MYO3A: variants seen among roughly 807,000 people sequenced by gnomAD.
The protein encoded by MYO3A is myosin IIIA, also known as myosin-IIIa.
In MYO3A, 180 loss-of-function variants were observed where a neutral mutation model predicts 192.7. The observed-to-expected ratio is 0.93, with a 90% confidence interval of 0.83 to 1.06. MYO3A has a LOEUF of 1.06. MYO3A is among the 50% of genes least tolerant of loss of function. The pLI, the probability that MYO3A is intolerant of heterozygous loss-of-function variation, is 0.00. For synonymous variants in MYO3A, 628 were observed against 645.3 expected, an observed-to-expected ratio of 0.97 and a Z score of 0.41; for missense variants, 1,896 against 1,905.0, an observed-to-expected ratio of 1.00 and a Z score of 0.09.
At position 26,212,040 on chromosome 10, in the gene MYO3A, G is replaced by A. The variant is rs549341486; in HGVS notation, c.*77G>A. 5 of 1,552,162 alleles carry A rather than the reference G, an allele frequency of 3.2e-6. No homozygotes were observed. Among genetic ancestry groups the A allele is most frequent in the Non-Finnish European group, 4.4e-6 (5 of 1,145,366 alleles). On this transcript the variant is annotated 3_prime_UTR_variant, in exon 35 of 35. Coordinates refer to ENST00000642920, the MANE Select transcript of MYO3A (RefSeq NM_017433.5). ...AGCAGGGGCCAAGCAGGCACTCTGG[G>A]GCTGGCACCAGCAGGCACTGAAGCT... is the stretch of plus-strand genomic sequence containing the variant.
intron 23 of MYO3A, among the ~76,000 whole-genome samples, chr10:26,150,279 G>T (rs1457951963): frequency 2.0e-5 from 3 of 152,082 alleles, no homozygotes; most frequent in Non-Finnish European, 2.9e-5. Context: ...TGTTTATGAG[G>T]AATATTGCAC....
intron 17 of MYO3A, among the ~76,000 whole-genome samples, chr10:26,103,968 T>C (rs900921431): frequency 1.3e-5 from 2 of 152,218 alleles, no homozygotes; most frequent in East Asian, 1.9e-4. Flanking sequence ...TTCATGTACT[T>C]ATTGGTCATC....
intron 17 of MYO3A, among the ~76,000 whole-genome samples, chr10:26,103,893 G>T (rs960897604): frequency 4.6e-5 from 7 of 152,166 alleles, no homozygotes; most frequent in African/African-American, 1.7e-4. Flanking sequence ...TCTAGTGAAT[G>T]TGAAGTGGTA....
intron 14 of MYO3A, among the ~76,000 whole-genome samples, chr10:26,075,522 C>T (rs1040183925): frequency 1.3e-5 from 2 of 149,942 alleles, no homozygotes; most frequent in Non-Finnish European, 3.0e-5. Context: ...TGAGAACATA[C>T]GATGTTTGTT....
At chr10:25,991,625 C>T (rs1406803159) in intron 4 of MYO3A, among the ~76,000 whole-genome samples, 20 of 152,106 alleles carry the variant, frequency 1.3e-4, no homozygotes, top group Non-Finnish European at 2.6e-4. Context: ...TAGGTTTTCT[C>T]CTAGGGTTTT....
intron 26 of MYO3A, among the ~76,000 whole-genome samples, chr10:26,164,477 G>A (rs1428912297): frequency 6.6e-6 from 1 of 152,166 alleles, no homozygotes; most frequent in Non-Finnish European, 1.5e-5. Flanking sequence ...CAGTGATATA[G>A]TAGAGAAGCT....
At chr10:25,981,182 A>C (rs1773440379) in intron 4 of MYO3A, among the ~76,000 whole-genome samples, 1 of 152,140 alleles carries the variant, frequency 6.6e-6, no homozygotes, top group Non-Finnish European at 1.5e-5. Context: ...TAGATTTTAA[A>C]CACAATTCAG....
At chr10:26,166,044 C>A in intron 26 of MYO3A, 23 bp from the exon 27 acceptor site, 1 of 1,595,744 alleles carries the variant, frequency 6.3e-7, no homozygotes, top group African/African-American at 1.3e-5. Context: ...GCAATACTAA[C>A]CAGCCCTTTT....
intron 17 of MYO3A, among the ~76,000 whole-genome samples, chr10:26,098,479 C>G (rs1420195524): frequency 2.6e-5 from 4 of 152,156 alleles, no homozygotes; most frequent in African/African-American, 9.7e-5. Context: ...GACATGAAGT[C>G]CTTGCCCATG....
At chr10:26,135,372 T>G (rs188314750) in intron 20 of MYO3A, among the ~76,000 whole-genome samples, 1 of 151,848 alleles carries the variant, frequency 6.6e-6, no homozygotes. Flanking sequence ...TAAATTATTA[T>G]TTAATTATTA....
intron 8 of MYO3A, 61 bp from the exon 9 acceptor site, chr10:26,023,961 C>A: frequency 6.9e-7 from 1 of 1,446,254 alleles, no homozygotes; most frequent in Non-Finnish European, 9.7e-7. Flanking sequence ...TCTGGCTCTG[C>A]CTCTCATTTT....
chr10:26,190,688 G>A (rs532092282), intron 31 of MYO3A, among the ~76,000 whole-genome samples: 2 of 152,166 alleles, frequency 1.3e-5, no homozygotes, highest in South Asian at 2.1e-4. Flanking sequence ...GAAGACAAGG[G>A]GTGTTTAATA....
At chr10:26,149,673 T>G (rs1840687313) in intron 23 of MYO3A, among the ~76,000 whole-genome samples, 1 of 152,214 alleles carries the variant, frequency 6.6e-6, no homozygotes, top group Non-Finnish European at 1.5e-5. Context: ...ACAAATGACA[T>G]TTGGAAATAT....
chr10:26,108,353 T>A (rs1837957291), intron 17 of MYO3A, among the ~76,000 whole-genome samples: 2 of 152,344 alleles, frequency 1.3e-5, no homozygotes, highest in South Asian at 4.1e-4. Flanking sequence ...CCAAGATCCC[T>A]TGGGTTATCA....
chr10:26,081,133 T>TCCCCCCCCCTTCCCCCCCCCCCCCCCCCC (rs1835907338), intron 14 of MYO3A, among the ~76,000 whole-genome samples: 3 of 84,938 alleles, frequency 3.5e-5, no homozygotes, highest in Admixed American at 1.2e-4. Flanking sequence ...TATATGCCCT[T>TCCCCCCCCCTTCCCCCCCCCCCCCCCCCC]CCCCCCCCCC....
chr10:26,099,174 T>G (rs1837263903), intron 17 of MYO3A, among the ~76,000 whole-genome samples: 1 of 152,208 alleles, frequency 6.6e-6, no homozygotes, highest in Admixed American at 6.5e-5. Context: ...TTGAAGCATT[T>G]GTGAATGGGA....
At chr10:26,055,207 C>T (rs1844242909) in intron 10 of MYO3A, among the ~76,000 whole-genome samples, 1 of 152,184 alleles carries the variant, frequency 6.6e-6, no homozygotes, top group African/African-American at 2.4e-5. Context: ...GAGGGATCTT[C>T]ACTAGCTCTT....
chr10:26,007,639 C>T (rs1329702088), intron 6 of MYO3A, among the ~76,000 whole-genome samples: 2 of 151,814 alleles, frequency 1.3e-5, no homozygotes, highest in Non-Finnish European at 2.9e-5. Context: ...ACAGTTGCTT[C>T]AAAGAGAATA....
intron 23 of MYO3A, among the ~76,000 whole-genome samples, chr10:26,153,116 T>C (rs1052508857): frequency 6.6e-6 from 1 of 152,190 alleles, no homozygotes; most frequent in Non-Finnish European, 1.5e-5. Flanking sequence ...TTGTGCTTGG[T>C]GGGGTGAGAG....
Sources: gnomAD v4.1 joint callset for allele counts (sites outside exome capture counted in the v4.1 genomes callset) on GRCh38, gnomAD v4.1.1 for gene constraint, MANE v1.5 for transcripts, NCBI Gene and HGNC (gene_info 2026-07-23, HGNC 2026-07-21) for gene names.